The following NTRK2 variants were observed in gnomAD, a reference collection of about 807,000 sequenced individuals.
The protein encoded by NTRK2 is neurotrophic receptor tyrosine kinase 2.
A neutral mutation model predicts 94.5 loss-of-function variants in NTRK2; 13 were observed. The ratio of observed to expected loss-of-function variants is 0.14; its 90% CI spans 0.09 to 0.22. The LOEUF is 0.22. NTRK2 is among the 10% of genes least tolerant of loss of function. The pLI, the probability that NTRK2 is intolerant of heterozygous loss-of-function variation, is 1.00. For synonymous variants in NTRK2, 372 were observed against 407.4 expected (o/e 0.91, Z 1.05); for missense variants, 639 against 1,071.2 (o/e 0.60, Z 5.63).
chr9:84,808,299 G>A (rs2071362273), intron 12 of NTRK2, among the ~76,000 whole-genome samples: 1 of 152,184 alleles, frequency 6.6e-6, no homozygotes, highest in Admixed American at 6.5e-5. Context: ...GAGAAGCCTG[G>A]TTAAGTTCCT....
At chr9:84,777,948 C>G (rs2132970729) in intron 12 of NTRK2, among the ~76,000 whole-genome samples, 1 of 152,234 alleles carries the variant, frequency 6.6e-6, no homozygotes, top group African/African-American at 2.4e-5. Flanking sequence ...TTCGTTTCAA[C>G]AGTGCAATTT....
At position 84,698,648 on chromosome 9, in the gene NTRK2, C is replaced by T. The variant is rs574639279; in HGVS notation, c.213-3511C>T. ...TTTTCAAAGTAGTTATAACAATTTA[C>T]ACTTCCTCCAACAATTTCAGAGAAA... On this transcript the variant is annotated intron_variant, in intron 2 of 18. Coordinates refer to ENST00000277120, the MANE Select transcript of NTRK2 (RefSeq NM_006180.6). 3.9e-5 allele frequency among the ~76,000 whole-genome samples: 6 copies of T among 152,322 alleles called. No homozygotes were observed. The East Asian group carries it at 9.6e-4, about 24-fold the overall frequency.
intron 12 of NTRK2, among the ~76,000 whole-genome samples, chr9:84,843,581 G>T (rs953049960): frequency 2.6e-5 from 4 of 152,146 alleles, no homozygotes; most frequent in African/African-American, 9.7e-5. Context: ...GAACTCAAAG[G>T]TGTGGCTCTC....
chr9:84,962,576 A>G (rs546085095), intron 17 of NTRK2, among the ~76,000 whole-genome samples: 2 of 152,252 alleles, frequency 1.3e-5, no homozygotes, highest in South Asian at 4.1e-4. Flanking sequence ...GAAATTAGTT[A>G]TGCTTCCAGG....
At position 84,867,339 on chromosome 9, in the gene NTRK2, C is replaced by T. The variant is rs199554482; in HGVS notation, c.1541C>T (p.Pro514Leu). ...ACTCCATCTTCTTCGGAAGGTGGCC[C>T]AGATGCTGTCATTATTGGAATGACC... ...SNTPSSSEGGPDAVIIGMTKI... is the reference protein window; with the variant it reads ...SNTPSSSEGGLDAVIIGMTKI... Residue 514 changes from proline (P) to leucine (L), a missense_variant, in exon 14 of 19, where the codon CCA becomes CTA. Transcript: ENST00000277120. 2 of 1,614,000 alleles carry T rather than the reference C, an allele frequency of 1.2e-6. No individual in the cohort carries two copies. Among genetic ancestry groups the T allele is most frequent in the Non-Finnish European group, 1.7e-6 (2 of 1,179,886 alleles).
At chr9:84,780,939 A>G (rs1236034723) in intron 12 of NTRK2, among the ~76,000 whole-genome samples, 1 of 152,226 alleles carries the variant, frequency 6.6e-6, no homozygotes, top group Non-Finnish European at 1.5e-5. Flanking sequence ...AAGTAAAAGA[A>G]AAAAGGTATG....
intron 12 of NTRK2, among the ~76,000 whole-genome samples, chr9:84,797,414 T>C (rs1055228185): frequency 1.3e-5 from 2 of 148,500 alleles, no homozygotes; most frequent in Admixed American, 7.0e-5. Flanking sequence ...GCATAACTAG[T>C]TATGGGGGAT....
chr9:84,677,871 G>A (rs116754164), intron 2 of NTRK2, among the ~76,000 whole-genome samples: 53 of 152,290 alleles, frequency 3.5e-4, no homozygotes, highest in African/African-American at 1.2e-3. Context: ...ATATTGTGAA[G>A]AGATAAATGA....
intron 12 of NTRK2, among the ~76,000 whole-genome samples, chr9:84,770,720 C>T (rs1166252740): frequency 6.6e-6 from 1 of 151,760 alleles, no homozygotes; most frequent in African/African-American, 2.4e-5. Flanking sequence ...ACTGAGAGGG[C>T]CGTTGTGGGC....
chr9:84,982,891 G>A (rs1457672165), intron 17 of NTRK2, among the ~76,000 whole-genome samples: 8 of 152,032 alleles, frequency 5.3e-5, no homozygotes, highest in African/African-American at 1.2e-4. Context: ...CAAAGGGGAT[G>A]GAAAATATGT....
At chr9:84,826,092 G>A (rs2073169645) in intron 12 of NTRK2, among the ~76,000 whole-genome samples, 2 of 152,198 alleles carry the variant, frequency 1.3e-5, no homozygotes, top group Non-Finnish European at 2.9e-5. Flanking sequence ...GATCTCTGGG[G>A]AACTTCTTCA....
chr9:84,973,138 C>T (rs1052227133), intron 17 of NTRK2, among the ~76,000 whole-genome samples: 1 of 152,192 alleles, frequency 6.6e-6, no homozygotes, highest in Non-Finnish European at 1.5e-5. Context: ...AACAGCTTCT[C>T]CATGTCACAG....
intron 12 of NTRK2, among the ~76,000 whole-genome samples, chr9:84,794,408 G>A (rs1161691122): frequency 6.6e-6 from 1 of 152,094 alleles, no homozygotes; most frequent in African/African-American, 2.4e-5. Context: ...GGATTAAAAG[G>A]CAGTTCAGAT....
chr9:84,886,259 T>G (rs1304155383), intron 14 of NTRK2, among the ~76,000 whole-genome samples: 3 of 152,214 alleles, frequency 2.0e-5, no homozygotes, highest in African/African-American at 7.2e-5. Context: ...AAGTAATGGT[T>G]ATAACTCTTC....
At chr9:84,707,786 C>T in intron 4 of NTRK2, 58 bp from the exon 5 acceptor site, 3 of 1,278,104 alleles carry the variant, frequency 2.3e-6, no homozygotes, top group Non-Finnish European at 3.4e-6. Flanking sequence ...TATTTGAATA[C>T]TGTGTTCCTA....
chr9:84,876,294 T>C, intron 14 of NTRK2: 1 of 1,045,960 alleles, frequency 9.6e-7, no homozygotes, highest in Non-Finnish European at 1.2e-6. Context: ...ATGCCTTTAC[T>C]AGAGATTACA....
chr9:84,828,682 A>G (rs1280466728), intron 12 of NTRK2, among the ~76,000 whole-genome samples: 2 of 152,230 alleles, frequency 1.3e-5, no homozygotes, highest in Non-Finnish European at 2.9e-5. Context: ...TTTTGGCAGT[A>G]AAGTTCAAAG....
intron 17 of NTRK2, among the ~76,000 whole-genome samples, chr9:85,011,789 A>G (rs1413901623): frequency 6.6e-6 from 1 of 152,090 alleles, no homozygotes; most frequent in African/African-American, 2.4e-5. Flanking sequence ...GACTGAAGCT[A>G]AAATGCAGAG....
chr9:84,878,211 G>A (rs2076141897), intron 14 of NTRK2, among the ~76,000 whole-genome samples: 1 of 152,150 alleles, frequency 6.6e-6, no homozygotes, highest in African/African-American at 2.4e-5. Context: ...AAAAAAGAAT[G>A]CAAAAGATCT....
Sources: allele counts gnomAD v4.1 joint callset (sites outside exome capture counted in the v4.1 genomes callset), GRCh38; gene constraint gnomAD v4.1.1; transcripts MANE v1.5; gene names NCBI Gene and HGNC (gene_info 2026-07-23, HGNC 2026-07-21).